Variants in ZFP28 observed in about 807,000 individuals in gnomAD.
ZFP28 encodes zinc finger protein 28 homolog.
Under a neutral mutation model 39.5 loss-of-function variants are expected in ZFP28, and 31 were observed. The observed-to-expected ratio is 0.79, with a 90% CI of 0.59 to 1.06. ZFP28 has a LOEUF of 1.06. Ranked by LOEUF, ZFP28 falls within the 50% of genes least tolerant of loss-of-function variation. The pLI is 0.00. For missense variants in ZFP28, 925 were observed against 1,048.4 expected (o/e 0.88, Z 1.63); for synonymous variants, 400 against 378.6 (o/e 1.06, Z -0.66).
At chr19:56,548,694 T>C (rs565308654) in intron 4 of ZFP28, among the ~76,000 whole-genome samples, 146 of 152,334 alleles carry the variant, frequency 9.6e-4, no homozygotes, top group African/African-American at 2.8e-3. Flanking sequence ...AAAAACATAA[T>C]GTGAACTCTT....
upstream of ZFP28, among the ~76,000 whole-genome samples, chr19:56,537,251 G>A (rs1407658725): frequency 6.6e-6 from 1 of 152,142 alleles, no homozygotes. Context: ...GTGGAATGTT[G>A]AGTTGGCCAC....
chr19:56,547,575 T>C lies in ZFP28; in HGVS notation c.368T>C (p.Ile123Thr), dbSNP rs1332023291. 1 of 1,613,966 alleles carries C rather than the reference T, an allele frequency of 6.2e-7. No homozygotes were observed. Among genetic ancestry groups the C allele is most frequent in the South Asian group, 1.1e-5 (1 of 91,070 alleles). ...GAGGAGTGGGAGTGGCTGAACCCCA[T>C]TCAGAGGAACTTGTACAGGAAGGTG... The part of the protein sequence containing the change: ...SQEEWEWLNP[I>T]QRNLYRKVML... Residue 123 changes from isoleucine (I) to threonine (T), a missense_variant, in exon 3 of 8, where the codon ATT becomes ACT. Coordinates refer to ENST00000301318, the MANE Select transcript of ZFP28 (RefSeq NM_020828.2). This position sits in a 1 kb window ranked among gnomAD's most constrained non-coding sequence, Gnocchi z 4.6.
In ZFP28 at chr19:56,555,193, A is replaced by G; in HGVS notation, c.2408A>G (p.His803Arg). ...TFIQIGHLNQHKRVHTGERSY... is the reference protein window; with the variant it reads ...TFIQIGHLNQRKRVHTGERSY... ...ATCCAAATTGGACACCTTAATCAACATAAGAGAGTTCATACTGGAGAGAGA... is the reference window on the plus strand; with the variant it reads ...ATCCAAATTGGACACCTTAATCAACGTAAGAGAGTTCATACTGGAGAGAGA... Residue 803 changes from histidine to arginine, a missense_variant, in exon 8 of 8, where the codon CAT becomes CGT. His to Arg is a conservative substitution (Grantham distance 29, BLOSUM62 0). This residue lies in a region of ZFP28 where 369 missense variants were observed against 505.5 expected (regional missense o/e 0.73). Coordinates refer to ENST00000301318, the MANE Select transcript of ZFP28 (RefSeq NM_020828.2). The G allele has an allele frequency of 1.9e-6, 3 of 1,614,220 alleles. No homozygotes were observed. The highest frequency in any genetic ancestry group is 2.5e-6 in the Non-Finnish European group (3 of 1,180,034).
At chr19:56,543,909 A>G (rs1267344052) in intron 2 of ZFP28, among the ~76,000 whole-genome samples, 5 of 152,254 alleles carry the variant, frequency 3.3e-5, no homozygotes, top group African/African-American at 1.2e-4. Context: ...TAATAGAAGT[A>G]GAATGGCAAA....
At chr19:56,550,398 C>T (rs1470216604) in intron 6 of ZFP28, 112 bp from the exon 7 acceptor site, 3 of 999,554 alleles carry the variant, frequency 3.0e-6, no homozygotes, top group Non-Finnish European at 4.5e-6. Flanking sequence ...ATCCTACTCA[C>T]CTGTTTTTCT....
intron 2 of ZFP28, among the ~76,000 whole-genome samples, chr19:56,543,398 A>G (rs986415844): frequency 1.3e-5 from 2 of 148,680 alleles, no homozygotes; most frequent in African/African-American, 2.5e-5. Context: ...ATATGTATAT[A>G]TAATTTTTTT....
At chr19:56,552,138 A>G (rs971662082) in intron 7 of ZFP28, 4 of 453,564 alleles carry the variant, frequency 8.8e-6, no homozygotes, top group African/African-American at 8.5e-5. Context: ...AGTATATTTA[A>G]ACATTTAGGA....
Position 56,556,629 on chromosome 19 carries a change from GA to G in ZFP28, c.*1238del, listed in dbSNP as rs757644198. On this transcript the variant is annotated 3_prime_UTR_variant, in exon 8 of 8. Coordinates refer to ENST00000301318, the MANE Select transcript of ZFP28 (RefSeq NM_020828.2). The stretch of plus-strand genomic sequence containing the variant: ...AGAAAGTTTGCCAACCTCTGCTCTA[GA>G]GTAGAGAAAAATGTATAAAAGATTT... 8 of 152,148 alleles carry G rather than the reference GA, an allele frequency of 5.3e-5. No homozygotes were observed. Among genetic ancestry groups the G allele is most frequent in the Non-Finnish European group, 8.8e-5 (6 of 68,002 alleles). 9.4% of individuals were successfully genotyped at this position (152,148 alleles called of 1,614,324 possible). A position where few individuals can be genotyped will look rare whatever the true frequency, so the allele number is the denominator to read the frequency against.
In ZFP28 at chr19:56,550,171, G is replaced by T; in HGVS notation, c.792G>T (p.Leu264=). 1 of 1,609,268 alleles carries T rather than the reference G, an allele frequency of 6.2e-7. No individual in the cohort carries two copies. Among genetic ancestry groups the T allele is most frequent in the South Asian group, 1.1e-5 (1 of 89,596 alleles). The change falls in exon 6 of 8, where the codon CTG becomes CTT. Residue 264 remains leucine, a synonymous_variant. Coordinates refer to ENST00000301318, the MANE Select transcript of ZFP28 (RefSeq NM_020828.2). The part of the protein sequence containing the change: ...KNGIWENNSD[L]GSAGHCVAKP... ...GGATATGGGAGAACAACAGTGACCT[G>T]GGATCAGCAGGTAAGGATGTCCCTC...
chr19:56,550,213 A>G (rs749626893), intron 6 of ZFP28, 32 bp downstream of exon 6: 17 of 1,564,080 alleles, frequency 1.1e-5, no homozygotes, highest in Non-Finnish European at 1.2e-5. Flanking sequence ...ATTTGAATCT[A>G]TCGTCGGGTA....
At position 56,538,948 on chromosome 19, in the gene ZFP28, C is replaced by T. The variant is rs1317161485; in HGVS notation, c.-71C>T. 52 of 1,152,860 alleles carry T rather than the reference C, an allele frequency of 4.5e-5. No individual in the cohort carries two copies. Among genetic ancestry groups the T allele is most frequent in the Middle Eastern group, 3.2e-4 (1 of 3,100 alleles). 71.4% of individuals were successfully genotyped at this position (1,152,860 alleles called of 1,614,324 possible). On this transcript the variant is annotated 5_prime_UTR_variant, in exon 1 of 8. Coordinates refer to ENST00000301318, the MANE Select transcript of ZFP28 (RefSeq NM_020828.2). ...GCGCGGGGCTGTTCGCTGGGCGTGGCGGGCGGGTGTGGCCAGGGGTGTGGG... is the reference window on the plus strand; with the variant it reads ...GCGCGGGGCTGTTCGCTGGGCGTGGTGGGCGGGTGTGGCCAGGGGTGTGGG...
intron 5 of ZFP28, 112 bp downstream of exon 5, chr19:56,549,233 C>A: frequency 1.6e-6 from 2 of 1,276,772 alleles, no homozygotes; most frequent in Non-Finnish European, 2.1e-6. Flanking sequence ...CATTTGAATA[C>A]AATGCTTCTT....
Position 56,556,464 on chromosome 19 carries a change from T to C in ZFP28, c.*1072T>C, listed in dbSNP as rs2044351854. 6.6e-6 allele frequency: 1 copy of C among 152,186 alleles called. No individual in the cohort carries two copies. The highest frequency in any genetic ancestry group is 2.1e-4 in the South Asian group (1 of 4,838). 9.4% of individuals were successfully genotyped at this position (152,186 alleles called of 1,614,324 possible). A position where few individuals can be genotyped will look rare whatever the true frequency, so the allele number is the denominator to read the frequency against. On this transcript the variant is annotated 3_prime_UTR_variant, in exon 8 of 8. Coordinates refer to ENST00000301318, the MANE Select transcript of ZFP28 (RefSeq NM_020828.2). ...AAACTAAAGCCCATGGACCAAATCC[T>C]ATCTGCTGCTTGTTTTTGTAAATAG... is the stretch of plus-strand genomic sequence containing the variant.
In ZFP28 at chr19:56,554,306, C is replaced by T. The variant is rs950421746; in HGVS notation, c.1521C>T (p.Cys507=). Residue 507 remains cysteine (C), a synonymous_variant, in exon 8 of 8, where the codon TGC becomes TGT. Transcript: ENST00000301318. This position sits in a 1 kb window ranked among gnomAD's most constrained non-coding sequence, Gnocchi z 6.7. The part of the protein sequence containing the change: ...YYHTGEKPFD[C]IDCGKAFSDH... Reference sequence around the variant, plus strand: ...ATACTGGGGAGAAACCCTTTGATTGCATCGATTGTGGGAAAGCCTTCAGTG... The same window carrying T: ...ATACTGGGGAGAAACCCTTTGATTGTATCGATTGTGGGAAAGCCTTCAGTG... 1.9e-6 allele frequency: 3 copies of T among 1,614,078 alleles called. No homozygotes were observed. The highest frequency in any genetic ancestry group is 8.5e-7 in the Non-Finnish European group (1 of 1,180,026).
chr19:56,549,143 A>T, intron 5 of ZFP28, 22 bp downstream of exon 5: 1 of 1,589,922 alleles, frequency 6.3e-7, no homozygotes, highest in Non-Finnish European at 8.6e-7. Flanking sequence ...GACAAATTTC[A>T]GGCAAGAGGA....
chr19:56,550,297 T>C (rs2044286929), intron 6 of ZFP28, 116 bp downstream of exon 6: 1 of 1,097,252 alleles, frequency 9.1e-7, no homozygotes, highest in Non-Finnish European at 1.3e-6. Context: ...GCCTGAATTT[T>C]GTGGATTCCT....
intron 7 of ZFP28, 74 bp from the exon 8 acceptor site, chr19:56,553,590 CAATTAGTGAATTAATTCACT>C: frequency 1.1e-5 from 15 of 1,407,654 alleles, no homozygotes; most frequent in East Asian, 2.3e-5. Context: ...ATGAATTCAC[CAATTAGTGAATTAATTCACT>C]AGTTTTCCTT....
At chr19:56,550,427 A>G (rs1286289452) in intron 6 of ZFP28, 83 bp from the exon 7 acceptor site, 1 of 1,228,236 alleles carries the variant, frequency 8.1e-7, no homozygotes, top group Non-Finnish European at 1.2e-6. Flanking sequence ...CAGCAGTAAC[A>G]CTTTTCTATC....
intron 2 of ZFP28, among the ~76,000 whole-genome samples, chr19:56,543,981 T>C (rs1166870385): frequency 2.0e-5 from 3 of 152,206 alleles, no homozygotes; most frequent in Non-Finnish European, 2.9e-5. Flanking sequence ...TTGCGTAACC[T>C]TCAGGCAACT....
Sources: gnomAD v4.1 joint callset for allele counts (sites outside exome capture counted in the v4.1 genomes callset) on GRCh38, gnomAD v4.1.1 for gene constraint, gnomAD v4.1.1 regional missense constraint, Gnocchi (gnomAD v3.1) non-coding constraint, MANE v1.5 for transcripts, NCBI Gene and HGNC (gene_info 2026-07-23, HGNC 2026-07-21) for gene names.